Variants in SGCD observed in about 807,000 individuals in gnomAD.
SGCD encodes delta-sarcoglycan.
Under a neutral mutation model 36.6 loss-of-function variants are expected in SGCD, and 18 were observed. The observed-to-expected ratio is 0.49, with a 90% confidence interval of 0.34 to 0.73. The LOEUF is 0.73. Ranked by LOEUF, SGCD falls within the 30% of genes least tolerant of loss-of-function variation. The pLI is 0.01. For missense variants in SGCD, 387 were observed against 346.7 expected (o/e 1.12, Z -0.92); for synonymous variants, 133 against 130.6 (o/e 1.02, Z -0.12).
intron 1 of SGCD, among the ~76,000 whole-genome samples, chr5:155,934,865 A>T (rs773324699): frequency 6.6e-6 from 1 of 152,194 alleles, no homozygotes; most frequent in Non-Finnish European, 1.5e-5. Flanking sequence ...GACTAATGAC[A>T]TGACGAAGTT....
chr5:156,431,769 G>A (rs1373455716), intron 3 of SGCD, among the ~76,000 whole-genome samples: 1 of 152,108 alleles, frequency 6.6e-6, no homozygotes, highest in African/African-American at 2.4e-5. Context: ...AGGCTGGAGT[G>A]CAGTGGCGTG....
At chr5:156,343,591 G>T (rs944449139) in intron 2 of SGCD, among the ~76,000 whole-genome samples, 6 of 152,072 alleles carry the variant, frequency 3.9e-5, no homozygotes, top group Non-Finnish European at 5.9e-5. Context: ...ACCTACATTT[G>T]TGTTGACAAT....
chr5:156,509,452 G>A (rs2127877024), intron 4 of SGCD, among the ~76,000 whole-genome samples: 1 of 152,258 alleles, frequency 6.6e-6, no homozygotes, highest in East Asian at 1.9e-4. Context: ...AATATCAACA[G>A]CTACATTCTG....
the SGCD span, among the ~76,000 whole-genome samples, chr5:155,809,651 A>G: frequency 2.0e-5 from 3 of 152,224 alleles, no homozygotes; most frequent in Non-Finnish European, 4.4e-5. Context: ...GCAAAGAGAA[A>G]GAGAAAGAGA....
intron 3 of SGCD, among the ~76,000 whole-genome samples, chr5:156,368,140 G>A: frequency 6.6e-6 from 1 of 151,088 alleles, no homozygotes; most frequent in Non-Finnish European, 1.5e-5. Context: ...CACCCAGGCT[G>A]TAGCGCAGTG....
At chr5:156,291,892 A>G (rs1426197109) in intron 3 of SGCD, among the ~76,000 whole-genome samples, 1 of 152,076 alleles carries the variant, frequency 6.6e-6, no homozygotes, top group African/African-American at 2.4e-5. Context: ...TCTCTTAGAA[A>G]TTTTCAAATA....
In SGCD at chr5:156,080,174, A is replaced by G. The variant is rs575249513; in HGVS notation, c.-281-37704A>G. ...AGTTGTATCTCAGGCTCTTTGAGCC[A>G]TGGCTGGAGCTGAAAGCAGCAGGGA... On this transcript the variant is annotated intron_variant, in intron 1 of 9. Transcript: ENST00000517913. Among the ~76,000 whole-genome samples the G allele has an allele frequency of 3.3e-5, 5 of 152,308 alleles. No individual in the cohort carries two copies. The East Asian group carries it at 7.7e-4, about 24-fold the overall frequency.
intron 1 of SGCD, among the ~76,000 whole-genome samples, chr5:156,106,109 C>CAAAAAAAA (rs1159337817): frequency 8.9e-4 from 31 of 34,932 alleles, no homozygotes; most frequent in East Asian, 1.6e-3. Flanking sequence ...GACTCTGCCT[C>CAAAAAAAA]AAAAAAAAAA....
chr5:156,065,378 G>T (rs1266715380), intron 1 of SGCD, among the ~76,000 whole-genome samples: 2 of 121,364 alleles, frequency 1.6e-5, no homozygotes, highest in Non-Finnish European at 1.7e-5. Flanking sequence ...TTTTGGAATA[G>T]GTGTGGTGTG....
chr5:156,512,542 C>T (rs1211817374), intron 4 of SGCD, among the ~76,000 whole-genome samples: 2 of 152,170 alleles, frequency 1.3e-5, no homozygotes, highest in African/African-American at 4.8e-5. Flanking sequence ...CACCTAATGA[C>T]ATGTTTCTCA....
the SGCD span, among the ~76,000 whole-genome samples, chr5:155,772,942 C>T: frequency 6.6e-6 from 1 of 152,056 alleles, no homozygotes; most frequent in African/African-American, 2.4e-5. Flanking sequence ...AAAGCATGCC[C>T]ACTGTGGAAC....
chr5:156,678,220 G>A (rs1032919097), intron 7 of SGCD, among the ~76,000 whole-genome samples: 1 of 152,124 alleles, frequency 6.6e-6, no homozygotes, highest in Non-Finnish European at 1.5e-5. Context: ...AAGTGCTCTC[G>A]TCACCAAACA....
At chr5:156,257,762 G>A (rs183166244) in intron 3 of SGCD, among the ~76,000 whole-genome samples, 318 of 152,172 alleles carry the variant, frequency 2.1e-3, no homozygotes, top group African/African-American at 7.2e-3. Context: ...TACTCCAGAG[G>A]CTGAGGCAGG....
chr5:156,379,257 G>T (rs1229402297), intron 3 of SGCD, among the ~76,000 whole-genome samples: 1 of 152,158 alleles, frequency 6.6e-6, no homozygotes, highest in Non-Finnish European at 1.5e-5. Flanking sequence ...AGTCATAGAT[G>T]GAGGTTAGAA....
chr5:155,844,401 C>T, the SGCD span, among the ~76,000 whole-genome samples: 1 of 142,570 alleles, frequency 7.0e-6, no homozygotes, highest in South Asian at 2.4e-4. Flanking sequence ...TAATTGCCGC[C>T]AGAGGGTGTT....
At chr5:156,431,795 A>T (rs1180681803) in intron 3 of SGCD, among the ~76,000 whole-genome samples, 1 of 152,026 alleles carries the variant, frequency 6.6e-6, no homozygotes, top group Non-Finnish European at 1.5e-5. Flanking sequence ...GACTCAGTGC[A>T]ACCTCTGCCT....
intron 2 of SGCD, among the ~76,000 whole-genome samples, chr5:156,337,746 G>T (rs1768433317): frequency 1.3e-5 from 2 of 152,148 alleles, no homozygotes; most frequent in Admixed American, 1.3e-4. Flanking sequence ...TGAGCTTGAT[G>T]AAAGCAGAAT....
chr5:156,568,380 CAAAT>C (rs1388690565), intron 4 of SGCD, among the ~76,000 whole-genome samples: 33 of 152,222 alleles, frequency 2.2e-4, no homozygotes, highest in Admixed American at 1.0e-3. Flanking sequence ...GACTCCATCT[CAAAT>C]AAATAAATAA....
chr5:156,565,128 A>G (rs1255963338), intron 4 of SGCD, among the ~76,000 whole-genome samples: 1 of 152,230 alleles, frequency 6.6e-6, no homozygotes, highest in Non-Finnish European at 1.5e-5. Context: ...TCATAAAATC[A>G]TAAATGTGGA....
Sources: gnomAD v4.1 joint callset for allele counts (sites outside exome capture counted in the v4.1 genomes callset) on GRCh38, gnomAD v4.1.1 for gene constraint, MANE v1.5 for transcripts, NCBI Gene and HGNC (gene_info 2026-07-23, HGNC 2026-07-21) for gene names.